The following CERT1 variants were observed in gnomAD, a reference collection of about 807,000 sequenced individuals.
CERT1 encodes the protein ceramide transfer protein.
Under a neutral mutation model 87.9 loss-of-function variants are expected in CERT1, and 31 were observed. The ratio of observed to expected loss-of-function variants is 0.35; its 90% CI spans 0.27 to 0.48. The LOEUF is 0.48. Among genes scored for constraint, CERT1 ranks in the 20% least tolerant of loss-of-function variants. The pLI is 0.99. For synonymous variants in CERT1, 289 were observed against 250.9 expected (o/e 1.15, Z -1.44); for missense variants, 487 against 758.0 (o/e 0.64, Z 4.20).
In CERT1 at chr5:75,504,615, T is replaced by C. The variant is rs201876775; in HGVS notation, c.231+1367A>G. Reference sequence around the variant, plus strand: ...CTTTCACTTTTATAAGCCAAATAAATTCTATCACAAAATGTGACTTCTCTT... The same window carrying C: ...CTTTCACTTTTATAAGCCAAATAAACTCTATCACAAAATGTGACTTCTCTT... On this transcript the variant is annotated intron_variant, in intron 2 of 16. Transcript: ENST00000643780. Among the ~76,000 whole-genome samples, 9 of 152,322 alleles carry C rather than the reference T, an allele frequency of 5.9e-5. No individual in the cohort carries two copies. The East Asian group carries it at 1.7e-3, about 29-fold the overall frequency.
chr5:75,420,096 C>T (rs1763306412), intron 5 of CERT1, among the ~76,000 whole-genome samples: 1 of 151,642 alleles, frequency 6.6e-6, no homozygotes, highest in Non-Finnish European at 1.5e-5. Context: ...TCCACCTCAG[C>T]CTCCCAAGTA....
At chr5:75,386,933 T>C (rs565839453) in intron 12 of CERT1, among the ~76,000 whole-genome samples, 28 of 152,316 alleles carry the variant, frequency 1.8e-4, no homozygotes, top group African/African-American at 6.7e-4. Flanking sequence ...AATGGCGCCG[T>C]CTCGGCTCAC....
At chr5:75,428,514 T>C (rs1164253738) in intron 3 of CERT1, among the ~76,000 whole-genome samples, 2 of 152,216 alleles carry the variant, frequency 1.3e-5, no homozygotes, top group South Asian at 2.1e-4. Flanking sequence ...CTGTCTCTAC[T>C]AAAAATACAC....
chr5:75,391,854 T>C (rs1762036650), intron 11 of CERT1, among the ~76,000 whole-genome samples: 1 of 152,180 alleles, frequency 6.6e-6, no homozygotes, highest in South Asian at 2.1e-4. Context: ...CCTGTATTTA[T>C]TATGAGATAA....
In CERT1 at chr5:75,379,371, G is replaced by GT; in HGVS notation, c.1849dup (p.Thr617AsnfsTer26). 1 of 1,613,636 alleles carries GT rather than the reference G, an allele frequency of 6.2e-7. No individual in the cohort carries two copies. Among genetic ancestry groups the GT allele is most frequent in the Non-Finnish European group, 8.5e-7 (1 of 1,179,620 alleles). On this transcript the variant is annotated frameshift_variant, in exon 17 of 17. Transcript: ENST00000643780. LOFTEE classifies it high-confidence loss of function. ...CTAGAACAAAATAGGCTTTCCTGCA[G>GT]TTTTTTCTTGGACGTAAGAAGTAAA... is the stretch of plus-strand genomic sequence containing the variant.
Position 75,403,066 on chromosome 5 carries a change from AAC to A in CERT1, c.931-10_931-9del. Reference sequence around the variant, plus strand: ...CAGACTGTTAGGGCCTTCCTATTCCAACACACAGTGGAGAAAAAAGCAGTTTA... The same window carrying A: ...CAGACTGTTAGGGCCTTCCTATTCCAACACAGTGGAGAAAAAAGCAGTTTA... On this transcript the variant is annotated splice_polypyrimidine_tract_variant and intron_variant, in intron 8 of 16. Coordinates refer to ENST00000643780, the MANE Select transcript of CERT1 (RefSeq NM_001379029.1). 6.3e-7 allele frequency: 1 copy of A among 1,592,830 alleles called. No individual in the cohort carries two copies. Among genetic ancestry groups the A allele is most frequent in the South Asian group, 1.1e-5 (1 of 90,320 alleles).
intron 2 of CERT1, among the ~76,000 whole-genome samples, chr5:75,504,656 ACT>A (rs112339739): frequency 0.026 from 3,964 of 152,062 alleles, 142 homozygotes; most frequent in African/African-American, 0.086. Flanking sequence ...GAGTTAGTAA[ACT>A]CTGTATTTTT....
At chr5:75,382,196 T>C (rs1761616249) in intron 14 of CERT1, 119 bp from the exon 15 acceptor site, 2 of 796,684 alleles carry the variant, frequency 2.5e-6, no homozygotes, top group African/African-American at 1.7e-5. Flanking sequence ...ATGGAAAGCA[T>C]CTGAGGATAT....
chr5:75,488,020 T>A (rs181905721), intron 2 of CERT1, among the ~76,000 whole-genome samples: 1 of 152,050 alleles, frequency 6.6e-6, no homozygotes, highest in East Asian at 1.9e-4. Flanking sequence ...ATTGAACTCA[T>A]GAAAACAGAA....
intron 3 of CERT1, among the ~76,000 whole-genome samples, chr5:75,446,591 G>A (rs1764546534): frequency 6.6e-6 from 1 of 152,060 alleles, no homozygotes; most frequent in South Asian, 2.1e-4. Flanking sequence ...TTGAAAACTG[G>A]AACTTTGAAT....
At chr5:75,416,831 A>C in intron 7 of CERT1, 45 bp downstream of exon 7, 1 of 1,483,114 alleles carries the variant, frequency 6.7e-7, no homozygotes, top group Non-Finnish European at 9.1e-7. Context: ...CAATACGTAA[A>C]ACTTAAATGT....
At position 75,377,930 on chromosome 5, in the gene CERT1, C is replaced by T. The variant is rs1336683288; in HGVS notation, c.*1416G>A. 6.6e-6 allele frequency: 1 copy of T among 152,148 alleles called. No homozygotes were observed. The highest frequency in any genetic ancestry group is 2.4e-5 in the African/African-American group (1 of 41,430). The allele number at this position is 152,148 out of a possible 1,614,324, so 9.4% of individuals were successfully genotyped here. On this transcript the variant is annotated 3_prime_UTR_variant, in exon 17 of 17. Transcript: ENST00000643780. Reference sequence around the variant, plus strand: ...AGCCTCCCAAGTACCTAGGACTATACATGTATACCACCACGCCTAATTGTT... The same window carrying T: ...AGCCTCCCAAGTACCTAGGACTATATATGTATACCACCACGCCTAATTGTT...
At chr5:75,407,592 C>T (rs1001136145) in intron 8 of CERT1, among the ~76,000 whole-genome samples, 3 of 151,312 alleles carry the variant, frequency 2.0e-5, no homozygotes, top group Non-Finnish European at 2.9e-5. Context: ...CCAAGTTAAT[C>T]GTAAAAAAGA....
chr5:75,400,078 G>A, intron 10 of CERT1, 127 bp downstream of exon 10: 1 of 664,662 alleles, frequency 1.5e-6, no homozygotes, highest in Non-Finnish European at 2.6e-6. Context: ...ACTGTAGTGA[G>A]CCGAGATCGC....
At chr5:75,377,041 C>T (rs1413379056), downstream of CERT1, 2 of 152,088 alleles carry the variant, frequency 1.3e-5, no homozygotes, top group Non-Finnish European at 2.9e-5. Flanking sequence ...TATTGCTTAC[C>T]ATTTGTGTAT....
intron 11 of CERT1, among the ~76,000 whole-genome samples, chr5:75,394,340 A>G (rs549863329): frequency 2.5e-4 from 38 of 151,764 alleles, no homozygotes; most frequent in Admixed American, 5.9e-4. Context: ...AGACCCCCAT[A>G]TCTACAAAAA....
At chr5:75,400,334 A>G (rs1456980524) in intron 9 of CERT1, 37 bp from the exon 10 acceptor site, 2 of 1,461,280 alleles carry the variant, frequency 1.4e-6, no homozygotes, top group South Asian at 1.2e-5. Context: ...GGAAGGTTTT[A>G]AAGTGTATTT....
At chr5:75,411,984 T>C (rs1274956391) in intron 7 of CERT1, among the ~76,000 whole-genome samples, 1 of 152,210 alleles carries the variant, frequency 6.6e-6, no homozygotes, top group East Asian at 1.9e-4. Context: ...CTTTTAATGA[T>C]AGGGCCTATA....
intron 1 of CERT1, among the ~76,000 whole-genome samples, chr5:75,509,919 C>T (rs1767842566): frequency 6.6e-6 from 1 of 152,158 alleles, no homozygotes; most frequent in Admixed American, 6.5e-5. Flanking sequence ...CAAGAATGAT[C>T]ACAGCATCAA....
Sources: gnomAD v4.1 joint callset for allele counts (sites outside exome capture counted in the v4.1 genomes callset) on GRCh38, gnomAD v4.1.1 for gene constraint, MANE v1.5 for transcripts, NCBI Gene and HGNC (gene_info 2026-07-23, HGNC 2026-07-21) for gene names.